The following PDE8B variants were observed in gnomAD, a reference collection of about 807,000 sequenced individuals.
The protein encoded by PDE8B is phosphodiesterase 8B, also known as high affinity cAMP-specific and IBMX-insensitive 3',5'-cyclic phosphodiesterase 8B.
PDE8B carries 26 observed loss-of-function variants against 101.3 expected under a neutral mutation model. The observed-to-expected ratio is 0.26, with a 90% CI of 0.19 to 0.36. PDE8B has a LOEUF of 0.36. PDE8B is among the 10% of genes least tolerant of loss of function. The pLI, the probability that PDE8B is intolerant of heterozygous loss-of-function variation, is 1.00. For missense variants in PDE8B, 810 were observed against 1,163.1 expected (o/e 0.70, Z 4.42); for synonymous variants, 424 against 429.3 (o/e 0.99, Z 0.15).
chr5:77,351,991 G>C (rs1187485326), intron 9 of PDE8B, among the ~76,000 whole-genome samples: 1 of 152,224 alleles, frequency 6.6e-6, no homozygotes, highest in East Asian at 1.9e-4. Flanking sequence ...CCAGGTATTT[G>C]TAATAGCTTG....
intron 10 of PDE8B, among the ~76,000 whole-genome samples, chr5:77,393,439 C>A (rs757749472): frequency 2.0e-5 from 3 of 151,242 alleles, no homozygotes; most frequent in Non-Finnish European, 2.9e-5. Flanking sequence ...GTGGTTAGGA[C>A]TAGAATCTAA....
chr5:77,310,470 C>T (rs1772353075), intron 1 of PDE8B, among the ~76,000 whole-genome samples: 1 of 152,238 alleles, frequency 6.6e-6, no homozygotes, highest in Non-Finnish European at 1.5e-5. Flanking sequence ...AGGATACTGA[C>T]TTACTTAGAC....
At chr5:77,372,990 T>G (rs1317522385) in intron 10 of PDE8B, among the ~76,000 whole-genome samples, 6 of 151,930 alleles carry the variant, frequency 3.9e-5, no homozygotes, top group Admixed American at 2.0e-4. Flanking sequence ...ATTGCACCAT[T>G]GCACTCCAGC....
the PDE8B span, chr5:77,087,152 G>A: frequency 1.3e-5 from 2 of 152,438 alleles, no homozygotes; most frequent in Non-Finnish European, 2.9e-5. Flanking sequence ...CGGCGGGTCG[G>A]GAGTCCGAGA....
intron 20 of PDE8B, among the ~76,000 whole-genome samples, chr5:77,423,626 TGTTTAG>T (rs1279388494): frequency 4.8e-5 from 5 of 104,726 alleles, no homozygotes; most frequent in African/African-American, 9.1e-5. Context: ...ACTTTTGTTT[TGTTTAG>T]TTTTTTTTTT....
At chr5:77,248,550 T>G (rs1260816841) in intron 1 of PDE8B, among the ~76,000 whole-genome samples, 1 of 152,118 alleles carries the variant, frequency 6.6e-6, no homozygotes, top group Non-Finnish European at 1.5e-5. Flanking sequence ...ACCTTATCAC[T>G]ACAGGGAAAA....
chr5:77,421,564 G>A (rs187621601), intron 19 of PDE8B, among the ~76,000 whole-genome samples: 2 of 151,552 alleles, frequency 1.3e-5, no homozygotes, highest in Admixed American at 6.6e-5. Flanking sequence ...GTAGACAGGT[G>A]GTGACAGGGA....
chr5:77,398,179 CAG>C (rs1791471026), intron 10 of PDE8B, among the ~76,000 whole-genome samples: 1 of 151,686 alleles, frequency 6.6e-6, no homozygotes, highest in Non-Finnish European at 1.5e-5. Context: ...AGAAGTTTTA[CAG>C]AGAGTGCAGA....
intron 10 of PDE8B, among the ~76,000 whole-genome samples, chr5:77,356,446 T>C (rs1782124025): frequency 6.6e-6 from 1 of 152,202 alleles, no homozygotes; most frequent in African/African-American, 2.4e-5. Context: ...TTTGTTTTGT[T>C]TGAGACAGAG....
At chr5:77,239,146 A>G (rs1416431024) in intron 1 of PDE8B, among the ~76,000 whole-genome samples, 1 of 152,214 alleles carries the variant, frequency 6.6e-6, no homozygotes, top group Non-Finnish European at 1.5e-5. Context: ...GGAATTTTAG[A>G]TTGATTATAA....
intron 4 of PDE8B, 90 bp from the exon 5 acceptor site, chr5:77,331,312 T>A: frequency 8.8e-7 from 1 of 1,135,902 alleles, no homozygotes. Context: ...GAGCTAACGC[T>A]GTGTGGCCTC....
Position 77,419,594 on chromosome 5 carries a change from A to G in PDE8B, c.2130-173A>G, listed in dbSNP as rs180782617. On this transcript the variant is annotated intron_variant, in intron 18 of 21. Transcript: ENST00000264917. The stretch of plus-strand genomic sequence containing the variant: ...CTATCACTGGGGAAAATGGAATAGC[A>G]TCTGCAAGTCTTGCTTACTGGGAGG... Among the ~76,000 whole-genome samples, 240 of 152,342 alleles carry G rather than the reference A, an allele frequency of 1.6e-3. 3 individuals are homozygous for G. The highest frequency in any genetic ancestry group is 5.7e-3 in the African/African-American group (236 of 41,582).
At chr5:77,350,957 T>C in intron 8 of PDE8B, 108 bp from the exon 9 acceptor site, 2 of 807,634 alleles carry the variant, frequency 2.5e-6, no homozygotes, top group Non-Finnish European at 4.4e-6. Flanking sequence ...CATTGGGAAA[T>C]GTAACGAGAG....
the PDE8B span, among the ~76,000 whole-genome samples, chr5:77,176,958 G>A: frequency 1.3e-5 from 2 of 152,048 alleles, no homozygotes; most frequent in African/African-American, 4.8e-5. Flanking sequence ...CTGTGCCTTT[G>A]GTTTCTTTTC....
chr5:77,167,566 C>T, the PDE8B span, among the ~76,000 whole-genome samples: 2 of 152,192 alleles, frequency 1.3e-5, no homozygotes. Flanking sequence ...GGAGTCCTTC[C>T]ACACCTGCCC....
At chr5:77,122,041 T>C in the PDE8B span, among the ~76,000 whole-genome samples, 1 of 152,174 alleles carries the variant, frequency 6.6e-6, no homozygotes, top group Non-Finnish European at 1.5e-5. Context: ...AGGTTCCAAA[T>C]CCATAAATAG....
At chr5:77,212,578 A>G (rs1241428784) in intron 1 of PDE8B, among the ~76,000 whole-genome samples, 1 of 152,172 alleles carries the variant, frequency 6.6e-6, no homozygotes, top group African/African-American at 2.4e-5. Flanking sequence ...AGCACCTACT[A>G]TGTGCCAGGA....
intron 20 of PDE8B, among the ~76,000 whole-genome samples, chr5:77,422,912 G>T (rs986592506): frequency 7.2e-5 from 11 of 152,202 alleles, no homozygotes; most frequent in African/African-American, 2.7e-4. Flanking sequence ...GTGCAGGTTT[G>T]TTAAAAGGGT....
intron 1 of PDE8B, among the ~76,000 whole-genome samples, chr5:77,279,086 A>G (rs1764435601): frequency 6.6e-6 from 1 of 152,196 alleles, no homozygotes; most frequent in Admixed American, 6.5e-5. Flanking sequence ...TTTATATCAC[A>G]TTTCACAAAA....
Sources: gnomAD v4.1 joint callset for allele counts (sites outside exome capture counted in the v4.1 genomes callset) on GRCh38, gnomAD v4.1.1 for gene constraint, MANE v1.5 for transcripts, NCBI Gene and HGNC (gene_info 2026-07-23, HGNC 2026-07-21) for gene names.